PIWIL2: variants seen among roughly 807,000 people sequenced by gnomAD.
The protein encoded by PIWIL2 is piwi-like protein 2.
Under a neutral mutation model 116.5 loss-of-function variants are expected in PIWIL2, and 81 were observed. The ratio of observed to expected loss-of-function variants is 0.70; its 90% confidence interval spans 0.58 to 0.84. The LOEUF (loss-of-function observed/expected upper bound fraction) is 0.84. Ranked by LOEUF, PIWIL2 falls within the 40% of genes least tolerant of loss-of-function variation. PIWIL2 has a pLI of 0.00. For synonymous variants in PIWIL2, 489 were observed against 429.5 expected (o/e 1.14, Z -1.71); for missense variants, 1,272 against 1,212.3 (o/e 1.05, Z -0.73).
At chr8:22,321,886 G>C (rs1208384330) in intron 20 of PIWIL2, 6 of 985,192 alleles carry the variant, frequency 6.1e-6, no homozygotes, top group Non-Finnish European at 7.2e-6. Flanking sequence ...CCTCCGAACA[G>C]TTGCCGCCTT....
At chr8:22,298,433 C>T (rs949540195) in intron 10 of PIWIL2, among the ~76,000 whole-genome samples, 1 of 152,092 alleles carries the variant, frequency 6.6e-6, no homozygotes, top group African/African-American at 2.4e-5. Context: ...ACATAAAGAC[C>T]TAAGGCTAAT....
rs1322547242 is a variant in PIWIL2, at chr8:22,357,399, G to A, written c.*1894G>A. On this transcript the variant is annotated 3_prime_UTR_variant, in exon 23 of 23. Coordinates refer to ENST00000356766, the MANE Select transcript of PIWIL2 (RefSeq NM_018068.5). ...AAGCGTTTTGAATTTTTCTGTTGAA[G>A]TTGGATTTCCTAATACTTTTTTTCT... 1 of 152,182 alleles carries A rather than the reference G, an allele frequency of 6.6e-6. No homozygotes were observed. The highest frequency in any genetic ancestry group is 1.5e-5 in the Non-Finnish European group (1 of 68,034). The allele number at this position is 152,182 out of a possible 1,614,324, so 9.4% of individuals were successfully genotyped here. A position where few individuals can be genotyped will look rare whatever the true frequency, so the allele number is the denominator to read the frequency against.
intron 20 of PIWIL2, among the ~76,000 whole-genome samples, chr8:22,345,466 G>A (rs1240621681): frequency 1.3e-5 from 2 of 151,718 alleles, no homozygotes; most frequent in East Asian, 3.8e-4. Context: ...TTTGAGACCA[G>A]CCTGGGCAAC....
intron 20 of PIWIL2, among the ~76,000 whole-genome samples, chr8:22,350,440 A>C (rs560930533): frequency 6.6e-6 from 1 of 152,160 alleles, no homozygotes; most frequent in Non-Finnish European, 1.5e-5. Flanking sequence ...TACAAAAAAT[A>C]CAAAAGTTAG....
intron 20 of PIWIL2, among the ~76,000 whole-genome samples, chr8:22,350,770 GGGA>G (rs924308200): frequency 1.1e-4 from 17 of 152,188 alleles, no homozygotes; most frequent in African/African-American, 4.1e-4. Context: ...GGGAGGCTGA[GGGA>G]GGAGGATTAC....
chr8:22,295,442 T>C (rs1164095157), intron 10 of PIWIL2, among the ~76,000 whole-genome samples: 1 of 152,170 alleles, frequency 6.6e-6, no homozygotes, highest in Non-Finnish European at 1.5e-5. Flanking sequence ...AAACACTAGG[T>C]ATTTTGTCAG....
intron 20 of PIWIL2, among the ~76,000 whole-genome samples, chr8:22,329,142 C>T (rs1831800504): frequency 6.6e-6 from 1 of 152,012 alleles, no homozygotes; most frequent in Non-Finnish European, 1.5e-5. Flanking sequence ...AGTTTCTGCT[C>T]CTAATTTGCT....
intron 20 of PIWIL2, among the ~76,000 whole-genome samples, chr8:22,344,465 T>TG (rs1832180035): frequency 6.6e-6 from 1 of 152,234 alleles, no homozygotes; most frequent in Non-Finnish European, 1.5e-5. Flanking sequence ...TCTGTTCTAT[T>TG]GCCTCAGGTT....
intron 8 of PIWIL2, among the ~76,000 whole-genome samples, 154 bp downstream of exon 8, chr8:22,288,820 A>C (rs1830690833): frequency 2.0e-5 from 3 of 152,220 alleles, no homozygotes; most frequent in Admixed American, 1.3e-4. Flanking sequence ...AGGCTAACTT[A>C]CTCAAAAATT....
chr8:22,347,645 G>A (rs1832260188), intron 20 of PIWIL2, among the ~76,000 whole-genome samples: 1 of 149,770 alleles, frequency 6.7e-6, no homozygotes, highest in Non-Finnish European at 1.5e-5. Flanking sequence ...TCCTACCTCA[G>A]CCTCCTGAGT....
At chr8:22,296,243 C>T (rs1344179299) in intron 10 of PIWIL2, among the ~76,000 whole-genome samples, 1 of 151,916 alleles carries the variant, frequency 6.6e-6, no homozygotes, top group Non-Finnish European at 1.5e-5. Flanking sequence ...GACAGGGTCT[C>T]ACCACATTGA....
chr8:22,306,540 A>G (rs570518596), intron 13 of PIWIL2, among the ~76,000 whole-genome samples: 1 of 152,214 alleles, frequency 6.6e-6, no homozygotes, highest in South Asian at 2.1e-4. Context: ...ACAGATGGGT[A>G]CAGCACCTAG....
At chr8:22,328,828 T>TTG (rs1200021424) in intron 20 of PIWIL2, among the ~76,000 whole-genome samples, 1 of 150,926 alleles carries the variant, frequency 6.6e-6, no homozygotes, top group Non-Finnish European at 1.5e-5. Flanking sequence ...GTTTTTTTTT[T>TTG]TTTTTTTTTA....
In PIWIL2 at chr8:22,315,123, T is replaced by A; in HGVS notation, c.2186T>A (p.Leu729His). The change falls in exon 18 of 23, where the codon CTC (leucine) becomes CAC (histidine). Residue 729 changes from leucine (L) to histidine (H), a missense_variant. Physicochemically the swap from Leu to His is moderately conservative, Grantham distance 99. Transcript: ENST00000356766. ...ATTAACTGTAAATTGGGTGGTGAGC[T>A]CTGGGGAGTGGATATTCCTCTGGTG... ...LQINCKLGGE[L>H]WGVDIPLKQL... is the part of the protein sequence containing the mutation. 1 of 1,599,674 alleles carries A rather than the reference T, an allele frequency of 6.3e-7. No individual in the cohort carries two copies. The highest frequency in any genetic ancestry group is 8.6e-7 in the Non-Finnish European group (1 of 1,166,838).
chr8:22,290,934 AATGT>A (rs1407176182), intron 10 of PIWIL2, among the ~76,000 whole-genome samples: 2 of 151,616 alleles, frequency 1.3e-5, no homozygotes, highest in African/African-American at 2.4e-5. Flanking sequence ...AATAATATAC[AATGT>A]ATGTGTTACT....
rs530423710 is a variant in PIWIL2 at position 22,341,977 on chromosome 8, T to TAA, written c.2404-10965_2404-10964dup. On this transcript the variant is annotated intron_variant, in intron 20 of 22. Transcript: ENST00000356766. ...ACAGTTGTACAAAAGTCTATTGCTG[T>TAA]AAAAAAAAAAAAAAAAAAGGTGAAT... Among the ~76,000 whole-genome samples, 1,172 of 121,538 alleles carry TAA rather than the reference T, an allele frequency of 9.6e-3. 22 individuals carry two copies. Among genetic ancestry groups the TAA allele is most frequent in the African/African-American group, 0.032 (1,073 of 33,878 alleles). 79.7% of individuals were successfully genotyped at this position (121,538 alleles called of 152,430 possible).
At chr8:22,342,157 C>CG (rs1832125691) in intron 20 of PIWIL2, among the ~76,000 whole-genome samples, 1 of 151,756 alleles carries the variant, frequency 6.6e-6, no homozygotes, top group Non-Finnish European at 1.5e-5. Flanking sequence ...TGAAAAAAAT[C>CG]AAAGAATATC....
In PIWIL2 at chr8:22,318,281, G is replaced by A. The variant is rs368770206; in HGVS notation, c.2403+6G>A. Reference sequence around the variant, plus strand: ...CCTTAAAAAAGTTTTATGAGGTGAGGAGAACAGAAATTCTCAGGCTTCTGG... The same window carrying A: ...CCTTAAAAAAGTTTTATGAGGTGAGAAGAACAGAAATTCTCAGGCTTCTGG... On this transcript the variant is annotated splice_donor_region_variant and intron_variant, in intron 20 of 22. Transcript: ENST00000356766. 2 of 1,461,042 alleles carry A rather than the reference G, an allele frequency of 1.4e-6. No homozygotes were observed. Among genetic ancestry groups the A allele is most frequent in the African/African-American group, 2.8e-5 (2 of 71,012 alleles). The allele number at this position is 1,461,042 out of a possible 1,614,324, so 90.5% of individuals were successfully genotyped here.
intron 20 of PIWIL2, among the ~76,000 whole-genome samples, chr8:22,343,963 AC>A (rs1832168386): frequency 2.0e-5 from 3 of 152,240 alleles, no homozygotes; most frequent in Admixed American, 2.0e-4. Context: ...TTTATTCATT[AC>A]TGCCAGAACT....
Sources: allele counts gnomAD v4.1 joint callset (sites outside exome capture counted in the v4.1 genomes callset), GRCh38; gene constraint gnomAD v4.1.1; transcripts MANE v1.5; gene names NCBI Gene and HGNC (gene_info 2026-07-23, HGNC 2026-07-21).